The following SMYD3 variants were observed in gnomAD, a reference collection of about 807,000 sequenced individuals.
SMYD3 encodes the protein histone-lysine N-methyltransferase SMYD3.
In SMYD3, 36 loss-of-function variants were observed where a neutral mutation model predicts 57.7. That is an observed-to-expected ratio of 0.62 (90% confidence interval 0.48 to 0.82). The LOEUF is 0.82. Ranked by LOEUF, SMYD3 falls within the 40% of genes least tolerant of loss-of-function variation. The pLI, the probability that SMYD3 is intolerant of heterozygous loss-of-function variation, is 0.00. For missense variants in SMYD3, 515 were observed against 538.8 expected (o/e 0.96, Z 0.44); for synonymous variants, 211 against 195.0 (o/e 1.08, Z -0.68).
intron 10 of SMYD3, among the ~76,000 whole-genome samples, chr1:245,824,916 A>C (rs972673368): frequency 3.6e-4 from 54 of 151,688 alleles, no homozygotes; most frequent in African/African-American, 1.3e-3. Flanking sequence ...CTGCAATCCC[A>C]GCTACTCAGG....
intron 5 of SMYD3, 25 bp from the exon 6 acceptor site, chr1:245,929,962 G>C (rs754631148): frequency 5.6e-6 from 9 of 1,596,936 alleles, no homozygotes; most frequent in Non-Finnish European, 7.7e-6. Context: ...GGAACCATCA[G>C]TATTACTAGA....
At chr1:245,806,835 G>A (rs373052344) in intron 10 of SMYD3, among the ~76,000 whole-genome samples, 447 of 147,254 alleles carry the variant, frequency 3.0e-3, no homozygotes, top group Middle Eastern at 0.01. Context: ...GCGTGAACCC[G>A]GGAGGCGGAG....
At chr1:246,014,232 G>C (rs913213161) in intron 5 of SMYD3, among the ~76,000 whole-genome samples, 2 of 152,224 alleles carry the variant, frequency 1.3e-5, no homozygotes, top group Admixed American at 1.3e-4. Context: ...TAAGGCAGGA[G>C]AATTGCTTGA....
chr1:245,824,887 C>T (rs1290644256), intron 10 of SMYD3, among the ~76,000 whole-genome samples: 1 of 145,908 alleles, frequency 6.9e-6, no homozygotes, highest in Non-Finnish European at 1.5e-5. Context: ...AAAAATTAGT[C>T]GGGTGTGGCG....
chr1:246,470,354 G>A (rs987607560), intron 1 of SMYD3, among the ~76,000 whole-genome samples: 1 of 151,696 alleles, frequency 6.6e-6, no homozygotes, highest in African/African-American at 2.4e-5. Flanking sequence ...TAATTAGCTG[G>A]GTGTAGTGGC....
chr1:246,073,172 T>C (rs1373638614), intron 5 of SMYD3, among the ~76,000 whole-genome samples: 1 of 152,222 alleles, frequency 6.6e-6, no homozygotes, highest in Non-Finnish European at 1.5e-5. Flanking sequence ...TGTCTGTTCA[T>C]AGCTATAATA....
intron 5 of SMYD3, among the ~76,000 whole-genome samples, chr1:246,312,070 C>T (rs866749870): frequency 2.0e-5 from 3 of 152,100 alleles, no homozygotes; most frequent in Non-Finnish European, 2.9e-5. Flanking sequence ...ACTGAATCTC[C>T]GCAATCTACT....
chr1:246,420,851 TG>T (rs1202163548), intron 1 of SMYD3, among the ~76,000 whole-genome samples: 2 of 152,200 alleles, frequency 1.3e-5, no homozygotes, highest in African/African-American at 4.8e-5. Context: ...CAACCCAGTT[TG>T]GAGGGATTAA....
chr1:246,276,809 T>A (rs2064343469), intron 5 of SMYD3, among the ~76,000 whole-genome samples: 1 of 151,018 alleles, frequency 6.6e-6, no homozygotes, highest in South Asian at 2.1e-4. Flanking sequence ...TTAATGTTTC[T>A]AGTGGAGTCT....
At chr1:245,770,898 TTAGTGAAC>T (rs2046305909) in intron 10 of SMYD3, among the ~76,000 whole-genome samples, 1 of 152,120 alleles carries the variant, frequency 6.6e-6, no homozygotes, top group Non-Finnish European at 1.5e-5. Flanking sequence ...GAGGAAAGAA[TTAGTGAAC>T]TGCAAGGTAG....
chr1:246,089,914 TTTTTACAAGGGAGA>T (rs1037328390), intron 5 of SMYD3, among the ~76,000 whole-genome samples: 44 of 151,464 alleles, frequency 2.9e-4, no homozygotes, highest in African/African-American at 9.5e-4. Context: ...GGGAGGGGTG[TTTTTACAAGGGAGA>T]TTTGGGGGAA....
chr1:246,033,085 A>G (rs913722795), intron 5 of SMYD3, among the ~76,000 whole-genome samples: 7 of 152,202 alleles, frequency 4.6e-5, no homozygotes, highest in African/African-American at 1.7e-4. Context: ...CCATGTTCCC[A>G]TAAAACCAGT....
At chr1:246,015,385 C>G (rs2059360335) in intron 5 of SMYD3, among the ~76,000 whole-genome samples, 1 of 152,178 alleles carries the variant, frequency 6.6e-6, no homozygotes, top group Admixed American at 6.5e-5. Flanking sequence ...GCATTAATCA[C>G]TGAATGTTCT....
intron 5 of SMYD3, among the ~76,000 whole-genome samples, chr1:246,112,132 G>A (rs1355864487): frequency 6.6e-6 from 1 of 152,188 alleles, no homozygotes; most frequent in African/African-American, 2.4e-5. Context: ...TCTTCATGCT[G>A]AAGTCTTCAG....
At chr1:245,856,026 C>T (rs767922385) in intron 10 of SMYD3, among the ~76,000 whole-genome samples, 5 of 152,212 alleles carry the variant, frequency 3.3e-5, no homozygotes, top group Admixed American at 6.5e-5. Context: ...GGAGCCGATG[C>T]GGGGGGCTGA....
At chr1:246,195,607 A>ACG (rs1353490977) in intron 5 of SMYD3, among the ~76,000 whole-genome samples, 10 of 149,176 alleles carry the variant, frequency 6.7e-5, no homozygotes, top group Middle Eastern at 6.8e-3. Flanking sequence ...ATGTGCGTGC[A>ACG]CGCGCGCACA....
At chr1:246,138,717 G>A (rs1032538463) in intron 5 of SMYD3, among the ~76,000 whole-genome samples, 15 of 151,682 alleles carry the variant, frequency 9.9e-5, no homozygotes, top group Non-Finnish European at 1.8e-4. Context: ...GAGTCACCGC[G>A]CCCAGCCAAA....
At chr1:246,356,893 C>T (rs982650150) in intron 1 of SMYD3, among the ~76,000 whole-genome samples, 2 of 152,174 alleles carry the variant, frequency 1.3e-5, no homozygotes, top group Admixed American at 6.5e-5. Flanking sequence ...TCAAGGAAAA[C>T]TTGTCTGACC....
chr1:245,930,127 C>T, intron 5 of SMYD3, 190 bp from the exon 6 acceptor site: 1 of 615,260 alleles, frequency 1.6e-6, no homozygotes, highest in African/African-American at 1.8e-5. Context: ...CTAAAAACAT[C>T]AGGTGGTTAA....
Sources: gnomAD v4.1 joint callset for allele counts (sites outside exome capture counted in the v4.1 genomes callset) on GRCh38, gnomAD v4.1.1 for gene constraint, MANE v1.5 for transcripts, NCBI Gene and HGNC (gene_info 2026-07-23, HGNC 2026-07-21) for gene names.